Variants in DIS3L2 observed in about 807,000 individuals in gnomAD.
DIS3L2 encodes the protein DIS3-like exonuclease 2.
A neutral mutation model predicts 97.5 loss-of-function variants in DIS3L2; 34 were observed. That is an observed-to-expected ratio of 0.35 (90% CI 0.27 to 0.46). The LOEUF (loss-of-function observed/expected upper bound fraction) is 0.46. Among genes scored for constraint, DIS3L2 ranks in the 20% least tolerant of loss-of-function variants. The pLI is 1.00. For synonymous variants in DIS3L2, 435 were observed against 445.2 expected, an observed-to-expected ratio of 0.98 and a Z score of 0.29; for missense variants, 1,038 against 1,146.0, an observed-to-expected ratio of 0.91 and a Z score of 1.36.
chr2:232,052,108 C>CTGAA (rs1281309793), intron 5 of DIS3L2, among the ~76,000 whole-genome samples: 1 of 151,670 alleles, frequency 6.6e-6, no homozygotes, highest in Non-Finnish European at 1.5e-5. Flanking sequence ...ACTGCAACCT[C>CTGAA]CGTCTCCTGG....
chr2:232,227,884 T>C (rs1692690067), intron 10 of DIS3L2, among the ~76,000 whole-genome samples: 1 of 152,252 alleles, frequency 6.6e-6, no homozygotes, highest in African/African-American at 2.4e-5. Context: ...TGTTTTATAT[T>C]TCTTTAAAAC....
chr2:232,170,298 T>TA (rs1330805956), intron 9 of DIS3L2, among the ~76,000 whole-genome samples: 1 of 152,192 alleles, frequency 6.6e-6, no homozygotes, highest in Non-Finnish European at 1.5e-5. Context: ...AACCAAAGCC[T>TA]AAAAGCTCAA....
At chr2:232,080,981 T>C (rs955028349) in intron 5 of DIS3L2, among the ~76,000 whole-genome samples, 2 of 152,082 alleles carry the variant, frequency 1.3e-5, no homozygotes, top group South Asian at 2.1e-4. Context: ...TTTGTTGATA[T>C]GTAACAAATA....
At chr2:232,165,068 T>C (rs1441955356) in intron 9 of DIS3L2, among the ~76,000 whole-genome samples, 1 of 152,214 alleles carries the variant, frequency 6.6e-6, no homozygotes, top group African/African-American at 2.4e-5. Flanking sequence ...CAAACTCTAC[T>C]CGAAGTGTAC....
At chr2:232,083,402 G>A (rs553655985) in intron 5 of DIS3L2, among the ~76,000 whole-genome samples, 1 of 151,848 alleles carries the variant, frequency 6.6e-6, no homozygotes, top group East Asian at 1.9e-4. Flanking sequence ...TCCGTGGTTG[G>A]TGGGAACCAA....
chr2:232,196,395 A>G (rs1691756983), intron 9 of DIS3L2, among the ~76,000 whole-genome samples: 1 of 152,238 alleles, frequency 6.6e-6, no homozygotes. Context: ...TAATCTCAAT[A>G]TTTTATAAAA....
rs148474013 is a variant in DIS3L2, at chr2:232,263,229, G to A, written c.1448G>A (p.Arg483Gln). ...CAGATCCTTGATGAATGGTTTGGCC[G>A]GACCATCATCCGCTCCTGCACCAAA... is the stretch of plus-strand genomic sequence containing the variant. Reference protein sequence around the residue: ...EGKILDEWFGRTIIRSCTKLS... With the variant: ...EGKILDEWFGQTIIRSCTKLS... Residue 483 changes from arginine (R) to glutamine (Q), a missense_variant, in exon 13 of 21, where the codon CGG becomes CAG. By Grantham distance (43) the Arg-to-Gln change is conservative (BLOSUM62 1). Coordinates refer to ENST00000325385, the MANE Select transcript of DIS3L2 (RefSeq NM_152383.5). 9,051 of 1,614,180 alleles carry A rather than the reference G, an allele frequency of 5.6e-3. 136 individuals carry two copies. The highest frequency in any genetic ancestry group is 0.054 in the Admixed American group (3,253 of 60,024).
chr2:232,134,062 C>T (rs2106353075), intron 7 of DIS3L2, among the ~76,000 whole-genome samples: 1 of 143,616 alleles, frequency 7.0e-6, no homozygotes, highest in South Asian at 2.2e-4. Flanking sequence ...GAAGTAAAAA[C>T]ACTATTGGAT....
At chr2:232,157,528 G>C (rs557150954) in intron 8 of DIS3L2, among the ~76,000 whole-genome samples, 42 of 152,206 alleles carry the variant, frequency 2.8e-4, no homozygotes, top group Admixed American at 5.2e-4. Context: ...TGCGATAATA[G>C]CTTAAAAGAT....
chr2:232,270,906 C>G (rs867056709), intron 13 of DIS3L2, among the ~76,000 whole-genome samples: 120 of 135,294 alleles, frequency 8.9e-4, no homozygotes, highest in African/African-American at 3.1e-3. Flanking sequence ...CTCTCTCTCT[C>G]TCTCTCTCTG....
intron 14 of DIS3L2, among the ~76,000 whole-genome samples, chr2:232,320,621 G>C (rs1199800975): frequency 6.6e-6 from 1 of 152,206 alleles, no homozygotes; most frequent in Non-Finnish European, 1.5e-5. Context: ...CTGAAGGGAA[G>C]TTGCAGGAGC....
intron 5 of DIS3L2, among the ~76,000 whole-genome samples, chr2:232,073,182 G>A (rs968731620): frequency 6.6e-6 from 1 of 152,058 alleles, no homozygotes; most frequent in Non-Finnish European, 1.5e-5. Flanking sequence ...CCTTTGTCCC[G>A]AGTGTGCCAT....
At chr2:232,213,593 TA>T (rs979129874) in intron 10 of DIS3L2, among the ~76,000 whole-genome samples, 17 of 151,408 alleles carry the variant, frequency 1.1e-4, no homozygotes, top group African/African-American at 3.9e-4. Context: ...AATTCTTGCT[TA>T]GGGGGAAAAA....
rs1023992513 is a variant in DIS3L2, at chr2:232,276,416, G to A, written c.1659+12976G>A. On this transcript the variant is annotated intron_variant, in intron 13 of 20. Transcript: ENST00000325385. The surrounding 1 kb of genome is among the most constrained non-coding windows in gnomAD (Gnocchi z 4.4). ...GCCAGAGCACAGCTGAGCTCACCTCGAGGGGAGCAGAGCTCCTATCTTTCC... is the reference window on the plus strand; with the variant it reads ...GCCAGAGCACAGCTGAGCTCACCTCAAGGGGAGCAGAGCTCCTATCTTTCC... Among the ~76,000 whole-genome samples, 1 of 152,186 alleles carries A rather than the reference G, an allele frequency of 6.6e-6. No homozygotes were observed. Among genetic ancestry groups the A allele is most frequent in the African/African-American group, 2.4e-5 (1 of 41,450 alleles).
At chr2:232,218,777 C>T (rs544342030) in intron 10 of DIS3L2, among the ~76,000 whole-genome samples, 14 of 152,364 alleles carry the variant, frequency 9.2e-5, no homozygotes, top group African/African-American at 2.9e-4. Context: ...CTCCCGTCCA[C>T]CTTGCTGTCT....
At chr2:232,123,101 TA>T (rs1697957751) in intron 6 of DIS3L2, among the ~76,000 whole-genome samples, 1 of 148,738 alleles carries the variant, frequency 6.7e-6, no homozygotes, top group African/African-American at 2.4e-5. Flanking sequence ...CCTCCCACCC[TA>T]ATTGGAACCC....
At position 232,333,981 on chromosome 2, in the gene DIS3L2, G is replaced by A. The variant is rs745957922; in HGVS notation, c.2152G>A (p.Ala718Thr). The change falls in exon 17 of 21, where the codon GCG becomes ACG. Residue 718 changes from alanine to threonine, a missense_variant. Ala to Thr is a moderately conservative substitution (Grantham distance 58, BLOSUM62 0). Around this residue, in one of 3 missense-constraint regions of DIS3L2, gnomAD observed 221 missense variants for 246.9 expected, o/e 0.90. Transcript: ENST00000325385. ...DVLVHRLLAA[A>T]LGYRERLDMA... ...CCTGGTGCACCGCCTCCTGGCTGCC[G>A]CGTTAGGTGAGGGGTGCAGTCGGGG... is the stretch of plus-strand genomic sequence containing the variant. 5.0e-5 allele frequency: 80 copies of A among 1,610,212 alleles called. No homozygotes were observed. The highest frequency in any genetic ancestry group is 1.6e-4 in the East Asian group (7 of 44,884).
At chr2:232,176,269 C>T (rs928713926) in intron 9 of DIS3L2, among the ~76,000 whole-genome samples, 1 of 152,108 alleles carries the variant, frequency 6.6e-6, no homozygotes, top group Non-Finnish European at 1.5e-5. Flanking sequence ...CCCTTATAAT[C>T]CTTATTGTTT....
chr2:232,230,002 G>C (rs145186311), intron 10 of DIS3L2, among the ~76,000 whole-genome samples: 4 of 152,182 alleles, frequency 2.6e-5, no homozygotes, highest in Non-Finnish European at 5.9e-5. Context: ...ACTTACCCCA[G>C]ATTTTTTTTT....
Sources: allele counts gnomAD v4.1 joint callset (sites outside exome capture counted in the v4.1 genomes callset), GRCh38; gene constraint gnomAD v4.1.1; regional missense constraint gnomAD v4.1.1; non-coding constraint Gnocchi (gnomAD v3.1); transcripts MANE v1.5; gene names NCBI Gene and HGNC (gene_info 2026-07-23, HGNC 2026-07-21).